Variants in HLA-DQA1 observed in about 807,000 individuals in gnomAD.
The protein encoded by HLA-DQA1 is HLA class II histocompatibility antigen, DQ alpha 1 chain.
Under a neutral mutation model 20.7 loss-of-function variants are expected in HLA-DQA1, and 10 were observed. The ratio of observed to expected loss-of-function variants is 0.48; its 90% CI spans 0.30 to 0.82. The LOEUF is 0.82. Ranked by LOEUF, HLA-DQA1 falls within the 40% of genes least tolerant of loss-of-function variation. The pLI is 0.07. For missense variants in HLA-DQA1, 127 were observed against 293.0 expected (o/e 0.43, Z 4.14); for synonymous variants, 39 against 109.2 (o/e 0.36, Z 4.01).
chr6:32,639,087 T>G (rs28383362), intron 1 of HLA-DQA1: 1 of 229,008 alleles, frequency 4.4e-6, no homozygotes, highest in Admixed American at 6.1e-5. Context: ...AAGTTTCACC[T>G]GCTTCTCCAG....
At chr6:32,651,229 C>CA (rs111871878), downstream of HLA-DQA1, among the ~76,000 whole-genome samples, 12,886 of 74,444 alleles carry the variant, frequency 0.17, 4,464 homozygotes, top group South Asian at 0.43. Flanking sequence ...TAGAATGGTA[C>CA]AAAAAATTGG....
chr6:32,637,750 C>A, intron 1 of HLA-DQA1, among the ~76,000 whole-genome samples: 1 of 109,974 alleles, frequency 9.1e-6, no homozygotes, highest in African/African-American at 3.3e-5. Flanking sequence ...ACTAAGGACG[C>A]TATTCTGTTT....
At chr6:32,648,015 T>A (rs17612647), downstream of HLA-DQA1, among the ~76,000 whole-genome samples, 1 of 28,918 alleles carries the variant, frequency 3.5e-5, no homozygotes, top group Non-Finnish European at 8.6e-5. Flanking sequence ...AGGAAAAGAA[T>A]GAGGTAAAAC....
At chr6:32,645,191 A>G (rs1281832970), downstream of HLA-DQA1, 1 of 151,606 alleles carries the variant, frequency 6.6e-6, no homozygotes, top group African/African-American at 2.4e-5. Context: ...ATTATAGCAA[A>G]TGTACCACTC....
rs1332177306 is a variant in HLA-DQA1 at position 32,641,473 on chromosome 6, G to A, written c.246G>A (p.Pro82=). The A allele has an allele frequency of 1.1e-5, 11 of 1,005,780 alleles. 4 individuals carry two copies. The highest frequency in any genetic ancestry group is 4.4e-5 in the African/African-American group (2 of 45,506). 62.3% of individuals were successfully genotyped at this position (1,005,780 alleles called of 1,614,324 possible). A position where few individuals can be genotyped will look rare whatever the true frequency, so the allele number is the denominator to read the frequency against. The change falls in exon 2 of 5, where the codon CCG becomes CCA. Residue 82 remains proline, a synonymous_variant. Coordinates refer to ENST00000343139, the MANE Select transcript of HLA-DQA1 (RefSeq NM_002122.5). ...PEFSKFGGFD[P]QGALRNMAVA... is the part of the protein sequence containing the mutation. ...TCAGCAAATTTGGAGGTTTTGACCC[G>A]CAGGGTGCACTGAGAAACATGGCTG...
downstream of HLA-DQA1, among the ~76,000 whole-genome samples, chr6:32,652,058 C>T (rs55651120): frequency 0.23 from 21,623 of 94,026 alleles, 8,409 homozygotes; most frequent in Admixed American, 0.26. Flanking sequence ...TTTGGGAGGC[C>T]GAGGCTTGCG....
At chr6:32,640,178 T>C (rs898576275) in intron 1 of HLA-DQA1, among the ~76,000 whole-genome samples, 1 of 99,428 alleles carries the variant, frequency 1.0e-5, no homozygotes, top group Non-Finnish European at 2.3e-5. Flanking sequence ...TTGAAGGATG[T>C]TGGACTGTAA....
chr6:32,646,520 G>A (rs1233027129), downstream of HLA-DQA1: 1 of 97,088 alleles, frequency 1.0e-5, no homozygotes, highest in Non-Finnish European at 2.3e-5. Flanking sequence ...TTGTGCCACT[G>A]TGCTCACTCC....
chr6:32,644,849 CATAA>C (rs1326530331), downstream of HLA-DQA1: 3 of 114,202 alleles, frequency 2.6e-5, no homozygotes, highest in African/African-American at 9.0e-5. Flanking sequence ...CCTTATGGCC[CATAA>C]GTGTTTATTC....
At chr6:32,644,192 A>G (rs1364951006), downstream of HLA-DQA1, 1 of 146,174 alleles carries the variant, frequency 6.8e-6, no homozygotes, top group Non-Finnish European at 1.5e-5. Context: ...GCCATCTCCG[A>G]GGAGAAACTC....
downstream of HLA-DQA1, chr6:32,647,030 C>T (rs1417207833): frequency 6.6e-6 from 1 of 151,524 alleles, no homozygotes; most frequent in African/African-American, 2.4e-5. Context: ...AGTCATTATA[C>T]TTTAGATTTT....
At chr6:32,651,596 A>AAAAAAAAAAAAAAAAAAAAAAAC (rs1782191873), downstream of HLA-DQA1, among the ~76,000 whole-genome samples, 1 of 85,022 alleles carries the variant, frequency 1.2e-5, no homozygotes, top group Non-Finnish European at 2.5e-5. Flanking sequence ...AGCAAAAAAA[A>AAAAAAAAAAAAAAAAAAAAAAAC]AAAAAAAAAG....
chr6:32,647,141 A>G, downstream of HLA-DQA1: 1 of 151,844 alleles, frequency 6.6e-6, no homozygotes, highest in East Asian at 1.9e-4. Flanking sequence ...AAAATTGCCC[A>G]TGAATTGAGT....
Position 32,640,446 on chromosome 6 carries a change from G to A in HLA-DQA1, c.83-864G>A, listed in dbSNP as rs547942661. Reference sequence around the variant, plus strand: ...CATTTGGCTGGAGTCGTACTGCATGGCTGCCATTCTGCTCTGGCATCCTCA... The same window carrying A: ...CATTTGGCTGGAGTCGTACTGCATGACTGCCATTCTGCTCTGGCATCCTCA... On this transcript the variant is annotated intron_variant, in intron 1 of 4. Coordinates refer to ENST00000343139, the MANE Select transcript of HLA-DQA1 (RefSeq NM_002122.5). Among the ~76,000 whole-genome samples, 67 of 98,664 alleles carry A rather than the reference G, an allele frequency of 6.8e-4. 17 individuals are homozygous for A. The highest frequency in any genetic ancestry group is 1.2e-3 in the Non-Finnish European group (51 of 44,010). 64.7% of individuals were successfully genotyped at this position (98,664 alleles called of 152,430 possible).
downstream of HLA-DQA1, among the ~76,000 whole-genome samples, chr6:32,650,842 AGT>A (rs1782149624): frequency 4.0e-5 from 2 of 50,260 alleles, 1 homozygote; most frequent in African/African-American, 1.5e-4. Flanking sequence ...TAGAGCTTAA[AGT>A]ATAATAATAA....
At chr6:32,652,622 G>T in the HLA-DQA1 span, among the ~76,000 whole-genome samples, 79,116 of 142,216 alleles carry the variant, frequency 0.56, 23,041 homozygotes, top group Middle Eastern at 0.69. Flanking sequence ...AGGATGCTTA[G>T]TGTTACAGCA....
In HLA-DQA1 at chr6:32,638,858, G is replaced by A. The variant is rs9272531; in HGVS notation, c.82+1318G>A. Reference sequence around the variant, plus strand: ...TCTCTTACTCTCCTCTGCCTTTGTCGTCCATCTCTTTCCACCTCTCTTCAT... The same window carrying A: ...TCTCTTACTCTCCTCTGCCTTTGTCATCCATCTCTTTCCACCTCTCTTCAT... On this transcript the variant is annotated intron_variant, in intron 1 of 4. Coordinates refer to ENST00000343139, the MANE Select transcript of HLA-DQA1 (RefSeq NM_002122.5). The A allele has an allele frequency of 1.1e-4, 27 of 245,102 alleles. 1 individual carries two copies. Among genetic ancestry groups the A allele is most frequent in the African/African-American group, 2.4e-4 (8 of 32,870 alleles). 15.2% of individuals were successfully genotyped at this position (245,102 alleles called of 1,614,324 possible).
At chr6:32,647,684 A>T (rs912433267), downstream of HLA-DQA1, among the ~76,000 whole-genome samples, 5 of 152,148 alleles carry the variant, frequency 3.3e-5, no homozygotes, top group African/African-American at 1.2e-4. Flanking sequence ...AGTCTATGGG[A>T]ACCTCTCAGA....
downstream of HLA-DQA1, chr6:32,646,074 C>A (rs879666672): frequency 3.0e-5 from 4 of 132,722 alleles, no homozygotes; most frequent in Non-Finnish European, 4.9e-5. Context: ...AGAATTAAAA[C>A]TAATTCTAAA....
Sources: allele counts gnomAD v4.1 joint callset (sites outside exome capture counted in the v4.1 genomes callset), GRCh38; gene constraint gnomAD v4.1.1; transcripts MANE v1.5; gene names NCBI Gene and HGNC (gene_info 2026-07-23, HGNC 2026-07-21).